BRD4: variants seen among roughly 807,000 people sequenced by gnomAD.
BRD4 encodes bromodomain-containing protein 4.
In BRD4, 16 loss-of-function variants were observed where a neutral mutation model predicts 142.1. That is an observed-to-expected ratio of 0.11 (90% CI 0.08 to 0.17). BRD4 has a LOEUF of 0.17. Ranked by LOEUF, BRD4 falls within the 10% of genes least tolerant of loss-of-function variation. The pLI is 1.00. For missense variants in BRD4, 1,424 were observed against 1,810.9 expected (o/e 0.79, Z 3.88); for synonymous variants, 833 against 707.5 (o/e 1.18, Z -2.82).
intron 11 of BRD4, among the ~76,000 whole-genome samples, chr19:15,249,529 G>A (rs866456099): frequency 9.9e-5 from 15 of 152,272 alleles, no homozygotes; most frequent in Middle Eastern, 3.4e-3. Context: ...CTTGGAAACC[G>A]CCCCCAGCCT....
chr19:15,316,489 GCT>G (rs1420468501), intron 1 of BRD4, among the ~76,000 whole-genome samples: 2 of 152,090 alleles, frequency 1.3e-5, no homozygotes, highest in Non-Finnish European at 2.9e-5. Flanking sequence ...AACTCAGGAG[GCT>G]GAGGCAGGAG....
intron 1 of BRD4, among the ~76,000 whole-genome samples, chr19:15,323,177 T>TAAA (rs1568412782): frequency 3.4e-4 from 11 of 32,252 alleles, no homozygotes; most frequent in African/African-American, 3.2e-3. Context: ...CTCCATCTCT[T>TAAA]TAAAAAAAAA....
At position 15,263,335 on chromosome 19, in the gene BRD4, A is replaced by G. The variant is rs544863429; in HGVS notation, c.1341+85T>C. On this transcript the variant is annotated intron_variant, in intron 7 of 19. Transcript: ENST00000679869. ...TCCCAAGGAAAGTGACAGAAAAAAA[A>G]ACTCTGCCAAGGCCCACAGAAGTCT... 30 of 1,497,302 alleles carry G rather than the reference A, an allele frequency of 2.0e-5. No individual in the cohort carries two copies. The African/African-American group carries it at 3.9e-4, about 20-fold the overall frequency. The allele number at this position is 1,497,302 out of a possible 1,614,324, so 92.8% of individuals were successfully genotyped here. A position where few individuals can be genotyped will look rare whatever the true frequency, so the allele number is the denominator to read the frequency against.
chr19:15,298,574 T>C (rs559550930), intron 1 of BRD4, among the ~76,000 whole-genome samples: 10 of 123,826 alleles, frequency 8.1e-5, no homozygotes, highest in South Asian at 2.6e-4. Flanking sequence ...TGAGCAGAGA[T>C]TGCATCACTG....
chr19:15,267,963 C>T (rs2047552307), intron 3 of BRD4, among the ~76,000 whole-genome samples: 1 of 152,200 alleles, frequency 6.6e-6, no homozygotes, highest in Non-Finnish European at 1.5e-5. Flanking sequence ...CCAACGTACC[C>T]CCATGGCAGC....
intron 7 of BRD4, among the ~76,000 whole-genome samples, chr19:15,260,700 C>A (rs2047459849): frequency 6.6e-6 from 1 of 151,518 alleles, no homozygotes; most frequent in African/African-American, 2.4e-5. Flanking sequence ...TAGGAAGAAA[C>A]TCTACTGCTG....
At chr19:15,313,031 C>T (rs1320344772) in intron 1 of BRD4, among the ~76,000 whole-genome samples, 1 of 151,924 alleles carries the variant, frequency 6.6e-6, no homozygotes, top group East Asian at 1.9e-4. Flanking sequence ...AAGACTGTGC[C>T]ACTGCACTCC....
intron 9 of BRD4, 118 bp downstream of exon 9, chr19:15,255,946 G>A: frequency 2.2e-6 from 3 of 1,368,788 alleles, no homozygotes; most frequent in Non-Finnish European, 3.0e-6. Flanking sequence ...TGAAGCCACG[G>A]CTGCAGAGGG....
chr19:15,332,084 C>T (rs893458762), intron 1 of BRD4, among the ~76,000 whole-genome samples: 3 of 146,172 alleles, frequency 2.1e-5, no homozygotes, highest in Non-Finnish European at 3.0e-5. Flanking sequence ...ACCAACGGCG[C>T]AGGCCGCCCC....
In BRD4 at chr19:15,248,808, C is replaced by T. The variant is rs186444980; in HGVS notation, c.2159-4046G>A. On this transcript the variant is annotated intron_variant, in intron 11 of 19. Coordinates refer to ENST00000679869, the MANE Select transcript of BRD4 (RefSeq NM_001379291.1). ...TCAGAGTGTTCTTCCGCACACTGAACGAGAGCTCTCCTGGACTGATGTCAC... is the reference window on the plus strand; with the variant it reads ...TCAGAGTGTTCTTCCGCACACTGAATGAGAGCTCTCCTGGACTGATGTCAC... 31 of 255,662 alleles carry T rather than the reference C, an allele frequency of 1.2e-4. 1 individual carries two copies. In the East Asian group the frequency reaches 1.6e-3, roughly 13 times the overall value. The allele number at this position is 255,662 out of a possible 1,614,324, so 15.8% of individuals were successfully genotyped here. A position where few individuals can be genotyped will look rare whatever the true frequency, so the allele number is the denominator to read the frequency against.
At chr19:15,305,493 T>C (rs1410901205) in intron 1 of BRD4, among the ~76,000 whole-genome samples, 2 of 152,252 alleles carry the variant, frequency 1.3e-5, no homozygotes, top group Non-Finnish European at 1.5e-5. Context: ...TGAGTTGTAA[T>C]ATTTTGAAAA....
intron 2 of BRD4, among the ~76,000 whole-genome samples, chr19:15,271,011 A>C (rs1461062931): frequency 6.6e-6 from 1 of 152,178 alleles, no homozygotes; most frequent in African/African-American, 2.4e-5. Flanking sequence ...TGGACCAAGA[A>C]CGTCCTGGCC....
intron 1 of BRD4, among the ~76,000 whole-genome samples, chr19:15,279,748 C>T (rs1411196296): frequency 6.6e-6 from 1 of 152,198 alleles, no homozygotes; most frequent in African/African-American, 2.4e-5. Context: ...CCAGTTCCGT[C>T]CATCACAAGT....
In BRD4 at chr19:15,239,712, G is replaced by T; in HGVS notation, c.3392C>A (p.Pro1131Gln). 6.3e-7 allele frequency: 1 copy of T among 1,597,674 alleles called. No homozygotes were observed. Residue 1131 changes from proline (P) to glutamine (Q), a missense_variant, in exon 16 of 20, where the codon CCG becomes CAG. Transcript: ENST00000679869. The surrounding 1 kb of genome is among the most constrained non-coding windows in gnomAD (Gnocchi z 7.4). The stretch of plus-strand genomic sequence containing the variant: ...GCTCTCCGGGTGCTTGGGGGGCTCC[G>T]GCCGCAGCGAGGGGCTGAAGGGCTC... ...RSEPFSPSLR[P>Q]EPPKHPESIK... is the part of the protein sequence containing the mutation.
At chr19:15,277,372 A>G (rs1294928463) in intron 1 of BRD4, among the ~76,000 whole-genome samples, 3 of 152,094 alleles carry the variant, frequency 2.0e-5, no homozygotes, top group African/African-American at 7.2e-5. Flanking sequence ...GTCATGGTAA[A>G]CTCAGATGGC....
At position 15,267,276 on chromosome 19, in the gene BRD4, C is replaced by G. The variant is rs142616621; in HGVS notation, c.559+140G>C. On this transcript the variant is annotated intron_variant, in intron 4 of 19. Transcript: ENST00000679869. ...TATGGGATGGATCCAACACCAAACC[C>G]AATCTCACATGTCCAAACACCAACA... is the stretch of plus-strand genomic sequence containing the variant. 8.8e-3 allele frequency: 10,084 copies of G among 1,139,756 alleles called. 70 individuals carry two copies. The highest frequency in any genetic ancestry group is 9.8e-3 in the Non-Finnish European group (7,808 of 799,632). The allele number at this position is 1,139,756 out of a possible 1,614,324, so 70.6% of individuals were successfully genotyped here.
intron 1 of BRD4, among the ~76,000 whole-genome samples, chr19:15,274,550 G>A (rs979682271): frequency 6.6e-6 from 1 of 152,232 alleles, no homozygotes; most frequent in Non-Finnish European, 1.5e-5. Context: ...GGTAAGTGAT[G>A]GCAGGCAGGG....
At chr19:15,257,962 T>A (rs552406912) in intron 7 of BRD4, among the ~76,000 whole-genome samples, 25 of 152,150 alleles carry the variant, frequency 1.6e-4, no homozygotes, top group Non-Finnish European at 2.9e-4. Context: ...GCATGGACAC[T>A]GGGGTCTGGC....
chr19:15,288,655 T>C (rs1452040161), intron 1 of BRD4, among the ~76,000 whole-genome samples: 1 of 152,218 alleles, frequency 6.6e-6, no homozygotes, highest in Non-Finnish European at 1.5e-5. Flanking sequence ...CAGCTGGTGC[T>C]ACACAGGCTG....
Sources: gnomAD v4.1 joint callset for allele counts (sites outside exome capture counted in the v4.1 genomes callset) on GRCh38, gnomAD v4.1.1 for gene constraint, Gnocchi (gnomAD v3.1) non-coding constraint, MANE v1.5 for transcripts, NCBI Gene and HGNC (gene_info 2026-07-23, HGNC 2026-07-21) for gene names.